CCM2: variants seen among roughly 807,000 people sequenced by gnomAD.
CCM2 encodes CCM2 scaffold protein.
A neutral mutation model predicts 44.9 loss-of-function variants in CCM2; 25 were observed. That is an observed-to-expected ratio of 0.56 (90% CI 0.41 to 0.78). CCM2 has a LOEUF of 0.78. Ranked by LOEUF, CCM2 falls within the 30% of genes least tolerant of loss-of-function variation. The pLI, the probability that CCM2 is intolerant of heterozygous loss-of-function variation, is 0.00. For missense variants in CCM2, 481 were observed against 580.6 expected (o/e 0.83, Z 1.76); for synonymous variants, 219 against 241.1 (o/e 0.91, Z 0.85).
intron 1 of CCM2, among the ~76,000 whole-genome samples, chr7:45,007,853 T>C (rs1169916023): frequency 4.6e-5 from 7 of 152,176 alleles, no homozygotes; most frequent in Non-Finnish European, 1.0e-4. Flanking sequence ...ACATGTTGTT[T>C]TTGTACCTTG....
intron 1 of CCM2, among the ~76,000 whole-genome samples, chr7:45,020,944 A>C (rs1796457729): frequency 6.6e-6 from 1 of 152,192 alleles, no homozygotes; most frequent in African/African-American, 2.4e-5. Context: ...TATTTATTTC[A>C]AACACTTGCT....
intron 7 of CCM2, 191 bp downstream of exon 7, chr7:45,072,974 C>T (rs1479358016): frequency 1.5e-6 from 1 of 668,552 alleles, no homozygotes; most frequent in African/African-American, 1.8e-5. Context: ...ACTTCTAGAG[C>T]CCTTGCTGTC....
At chr7:45,011,563 A>G (rs972847072) in intron 1 of CCM2, among the ~76,000 whole-genome samples, 2 of 148,236 alleles carry the variant, frequency 1.3e-5, no homozygotes, top group African/African-American at 5.0e-5. Flanking sequence ...TTATTTATTT[A>G]TTTACTGAGA....
At chr7:45,018,390 C>T (rs1796349687) in intron 1 of CCM2, among the ~76,000 whole-genome samples, 1 of 152,186 alleles carries the variant, frequency 6.6e-6, no homozygotes, top group Admixed American at 6.5e-5. Flanking sequence ...TAGAGTCTCG[C>T]TTTGTCACCC....
chr7:45,044,172 C>T (rs1001887245), intron 2 of CCM2, among the ~76,000 whole-genome samples: 15 of 152,106 alleles, frequency 9.9e-5, no homozygotes, highest in African/African-American at 1.2e-4. Context: ...CTCGCTCTGT[C>T]GCCCAGGCTG....
chr7:45,059,577 T>G (rs1415792252), intron 2 of CCM2, among the ~76,000 whole-genome samples: 2 of 152,116 alleles, frequency 1.3e-5, no homozygotes, highest in African/African-American at 4.8e-5. Flanking sequence ...AAACCCCGTC[T>G]GTCTCTACAA....
At chr7:45,015,751 A>T (rs572450456) in intron 1 of CCM2, among the ~76,000 whole-genome samples, 2 of 152,260 alleles carry the variant, frequency 1.3e-5, no homozygotes, top group East Asian at 1.9e-4. Context: ...AGGGGAAGGG[A>T]TAGTGAGAAG....
At chr7:45,007,949 A>G (rs1324862305) in intron 1 of CCM2, among the ~76,000 whole-genome samples, 1 of 152,162 alleles carries the variant, frequency 6.6e-6, no homozygotes, top group African/African-American at 2.4e-5. Context: ...TCAAAAAATC[A>G]AATTTGCTTC....
At chr7:45,070,051 A>G in intron 6 of CCM2, 90 bp downstream of exon 6, 1 of 1,503,306 alleles carries the variant, frequency 6.7e-7, no homozygotes, top group Non-Finnish European at 9.2e-7. Context: ...TACTCCTGGA[A>G]TAGCGCAGTT....
intron 1 of CCM2, among the ~76,000 whole-genome samples, chr7:45,003,425 T>A (rs957253640): frequency 2.0e-5 from 3 of 152,174 alleles, no homozygotes; most frequent in Non-Finnish European, 4.4e-5. Context: ...TGTGGATTTT[T>A]ATACTCAGAT....
At chr7:45,062,687 G>A (rs552361851) in intron 2 of CCM2, among the ~76,000 whole-genome samples, 21 of 152,082 alleles carry the variant, frequency 1.4e-4, no homozygotes, top group Non-Finnish European at 2.4e-4. Flanking sequence ...TTAGCCAGGC[G>A]TGGTGACACA....
At chr7:45,074,059 G>A (rs954993228) in intron 8 of CCM2, 9 of 1,004,808 alleles carry the variant, frequency 9.0e-6, no homozygotes, top group Non-Finnish European at 1.3e-5. Context: ...GAGTGGAGCT[G>A]CCCGGGTGCC....
intron 2 of CCM2, among the ~76,000 whole-genome samples, chr7:45,055,506 G>A (rs545896727): frequency 6.6e-6 from 1 of 152,268 alleles, no homozygotes; most frequent in Non-Finnish European, 1.5e-5. Flanking sequence ...GGCCAAGATG[G>A]TGAAACCCCG....
At chr7:45,003,470 T>C (rs182214861) in intron 1 of CCM2, among the ~76,000 whole-genome samples, 1 of 152,224 alleles carries the variant, frequency 6.6e-6, no homozygotes, top group Non-Finnish European at 1.5e-5. Flanking sequence ...CAGGGTTGGG[T>C]GTAGGTAATC....
chr7:45,033,749 T>C (rs1230450760), intron 1 of CCM2, among the ~76,000 whole-genome samples: 1 of 152,170 alleles, frequency 6.6e-6, no homozygotes, highest in Non-Finnish European at 1.5e-5. Context: ...TTGCACATCA[T>C]AGGGCCTGGG....
chr7:45,073,310 T>C (rs543981283), intron 7 of CCM2, 150 bp from the exon 8 acceptor site: 4 of 665,824 alleles, frequency 6.0e-6, no homozygotes, highest in East Asian at 2.7e-5. Flanking sequence ...GCATGCCCAG[T>C]CAGCTCTCCT....
intron 1 of CCM2, among the ~76,000 whole-genome samples, chr7:45,014,976 T>C (rs531313124): frequency 6.6e-6 from 1 of 152,324 alleles, no homozygotes; most frequent in African/African-American, 2.4e-5. Flanking sequence ...ATTCATGTTG[T>C]GCATCTGGCA....
intron 1 of CCM2, among the ~76,000 whole-genome samples, chr7:45,011,236 G>A (rs566113229): frequency 1.3e-5 from 2 of 149,058 alleles, no homozygotes; most frequent in Non-Finnish European, 3.0e-5. Context: ...CACTCTTGTT[G>A]CCCAGGTTGG....
chr7:45,068,540 G>T lies in CCM2; in HGVS notation c.570G>T (p.Val190=). Reference sequence around the variant, plus strand: ...TGTCGGAGAGTGCAGTTGGGCCCGTGGAGGCATGCTGCCTGGTCATCCTGG... The same window carrying T: ...TGTCGGAGAGTGCAGTTGGGCCCGTTGAGGCATGCTGCCTGGTCATCCTGG... ...GSLSESAVGP[V]EACCLVILAA... The change falls in exon 5 of 10, where the codon GTG becomes GTT. Residue 190 remains valine (V), a synonymous_variant. Coordinates refer to ENST00000258781, the MANE Select transcript of CCM2 (RefSeq NM_031443.4). The T allele has an allele frequency of 6.2e-7, 1 of 1,614,128 alleles. No individual in the cohort carries two copies. The highest frequency in any genetic ancestry group is 8.5e-7 in the Non-Finnish European group (1 of 1,180,016).
Sources: allele counts gnomAD v4.1 joint callset (sites outside exome capture counted in the v4.1 genomes callset), GRCh38; gene constraint gnomAD v4.1.1; transcripts MANE v1.5; gene names NCBI Gene and HGNC (gene_info 2026-07-23, HGNC 2026-07-21).